The following SAMD8 variants were observed in gnomAD, a reference collection of about 807,000 sequenced individuals.
The protein encoded by SAMD8 is sterile alpha motif domain containing 8.
Under a neutral mutation model 42.0 loss-of-function variants are expected in SAMD8, and 20 were observed. That is an observed-to-expected ratio of 0.48 (90% confidence interval 0.34 to 0.69). The LOEUF (loss-of-function observed/expected upper bound fraction) is 0.69, where lower values mean the gene tolerates loss of function less well. Among genes scored for constraint, SAMD8 ranks in the 30% least tolerant of loss-of-function variants. The pLI is 0.01. For missense variants in SAMD8, 328 were observed against 511.6 expected (o/e 0.64, Z 3.46); for synonymous variants, 162 against 173.0 (o/e 0.94, Z 0.50).
At chr10:75,102,816 G>A (rs1848257589) in intron 1 of SAMD8, among the ~76,000 whole-genome samples, 1 of 152,170 alleles carries the variant, frequency 6.6e-6, no homozygotes, top group South Asian at 2.1e-4. Flanking sequence ...GCTGGGCGTG[G>A]TGGCGCATGC....
At chr10:75,139,427 T>C (rs1233676994) in intron 1 of SAMD8, among the ~76,000 whole-genome samples, 1 of 152,180 alleles carries the variant, frequency 6.6e-6, no homozygotes, top group Non-Finnish European at 1.5e-5. Context: ...ATAATAATAA[T>C]AAAATAGTGA....
chr10:75,108,122 G>A (rs754530295), upstream of SAMD8: 20 of 1,613,604 alleles, frequency 1.2e-5, no homozygotes, highest in East Asian at 2.2e-5. Context: ...AGTCAGGGCC[G>A]CCCTGACAGT....
At chr10:75,101,757 C>T (rs1848171243) in intron 1 of SAMD8, 2 of 690,848 alleles carry the variant, frequency 2.9e-6, no homozygotes, top group Non-Finnish European at 2.3e-6. Flanking sequence ...GGTTCTCTAC[C>T]CAACCCAAAC....
rs145566728 is a variant in SAMD8, at chr10:75,148,898, A to G, written c.-15-1616A>G. 4.2e-3 allele frequency among the ~76,000 whole-genome samples: 640 copies of G among 152,358 alleles called. 3 individuals are homozygous for G. The highest frequency in any genetic ancestry group is 0.015 in the African/African-American group (606 of 41,578). On this transcript the variant is annotated intron_variant, in intron 1 of 5. Coordinates refer to ENST00000542569, the MANE Select transcript of SAMD8 (RefSeq NM_001174156.2). ...TAATCTAACATATATAGAGAAAAGT[A>G]TAGATCACAATTATACAGCTTGATG...
At chr10:75,100,594 G>C (rs1378946044) in intron 1 of SAMD8, among the ~76,000 whole-genome samples, 1 of 152,158 alleles carries the variant, frequency 6.6e-6, no homozygotes, top group African/African-American at 2.4e-5. Context: ...CCAACGTCCA[G>C]CAGGGCCAGG....
chr10:75,175,744 T>C (rs1840977546), intron 4 of SAMD8: 1 of 282,314 alleles, frequency 3.5e-6, no homozygotes, highest in African/African-American at 2.3e-5. Context: ...AGTTGGGGTT[T>C]CGCCATGTTG....
At chr10:75,143,217 G>C (rs1305757188) in intron 1 of SAMD8, among the ~76,000 whole-genome samples, 1 of 152,246 alleles carries the variant, frequency 6.6e-6, no homozygotes, top group Non-Finnish European at 1.5e-5. Flanking sequence ...TGAGGCAGGA[G>C]AATCTCTTGA....
At position 75,178,983 on chromosome 10, in the gene SAMD8, C is replaced by A. The variant is rs1245676903; in HGVS notation, c.*2291C>A. 1 of 152,306 alleles carries A rather than the reference C, an allele frequency of 6.6e-6. No individual in the cohort carries two copies. Among genetic ancestry groups the A allele is most frequent in the African/African-American group, 2.4e-5 (1 of 41,420 alleles). 9.4% of individuals were successfully genotyped at this position (152,306 alleles called of 1,614,324 possible). ...GGTGGAGTTTGCATTGAGCTGAGAT[C>A]ACTCCACTGCACTCCAGCCTAGGTG... is the stretch of plus-strand genomic sequence containing the variant. On this transcript the variant is annotated 3_prime_UTR_variant, in exon 6 of 6. Transcript: ENST00000542569.
chr10:75,163,204 C>T (rs1359282175), intron 2 of SAMD8, among the ~76,000 whole-genome samples: 4 of 152,162 alleles, frequency 2.6e-5, no homozygotes, highest in African/African-American at 4.8e-5. Context: ...GGATTATAGG[C>T]GTGAGCCACC....
intron 1 of SAMD8, among the ~76,000 whole-genome samples, chr10:75,144,950 A>G (rs1042975575): frequency 1.3e-5 from 2 of 152,000 alleles, no homozygotes; most frequent in African/African-American, 4.8e-5. Context: ...GCGCCCTTGA[A>G]TTGTTTCTAT....
upstream of SAMD8, among the ~76,000 whole-genome samples, chr10:75,107,145 C>T (rs1021479439): frequency 6.6e-6 from 1 of 152,116 alleles, no homozygotes; most frequent in Non-Finnish European, 1.5e-5. Flanking sequence ...AGACCAGCCT[C>T]GCCAACATGG....
chr10:75,117,300 A>G (rs1390131845), intron 1 of SAMD8, among the ~76,000 whole-genome samples: 2 of 151,472 alleles, frequency 1.3e-5, no homozygotes, highest in African/African-American at 2.4e-5. Flanking sequence ...GTGTGCACCT[A>G]TAGTCCCAGA....
chr10:75,151,141 T>A, intron 2 of SAMD8, 35 bp downstream of exon 2: 4 of 1,166,426 alleles, frequency 3.4e-6, no homozygotes, highest in Non-Finnish European at 4.8e-6. Flanking sequence ...GTTTGTAGGA[T>A]GTTGCTATAA....
chr10:75,163,728 G>C (rs1455660108), intron 2 of SAMD8, among the ~76,000 whole-genome samples: 1 of 152,138 alleles, frequency 6.6e-6, no homozygotes, highest in Non-Finnish European at 1.5e-5. Context: ...GATTACAGGC[G>C]TGATCCACCA....
intron 1 of SAMD8, 151 bp from the exon 2 acceptor site, chr10:75,150,363 C>A: frequency 1.6e-6 from 2 of 1,275,340 alleles, no homozygotes; most frequent in Non-Finnish European, 2.1e-6. Flanking sequence ...CTTAAGTGAT[C>A]CTCCCAACTC....
chr10:75,152,536 GAAAA>G (rs541773032), intron 2 of SAMD8, among the ~76,000 whole-genome samples: 2 of 130,292 alleles, frequency 1.5e-5, no homozygotes, highest in African/African-American at 2.9e-5. Context: ...AAAAAAAAAA[GAAAA>G]AAAAAAAAGA....
intron 2 of SAMD8, among the ~76,000 whole-genome samples, chr10:75,159,411 T>G (rs1840506469): frequency 6.6e-6 from 1 of 152,158 alleles, no homozygotes; most frequent in Non-Finnish European, 1.5e-5. Flanking sequence ...TTTGCCTAAT[T>G]CTTTTTACTT....
chr10:75,155,122 C>T (rs1840381281), intron 2 of SAMD8, among the ~76,000 whole-genome samples: 1 of 152,034 alleles, frequency 6.6e-6, no homozygotes, highest in African/African-American at 2.4e-5. Flanking sequence ...AAACTTTTGG[C>T]CTCAAGTGAT....
At chr10:75,162,060 TAAA>T (rs1840570114) in intron 2 of SAMD8, among the ~76,000 whole-genome samples, 1 of 151,906 alleles carries the variant, frequency 6.6e-6, no homozygotes, top group South Asian at 2.1e-4. Context: ...AAATAAAAAA[TAAA>T]ATCCAGCAGG....
Sources: allele counts gnomAD v4.1 joint callset (sites outside exome capture counted in the v4.1 genomes callset), GRCh38; gene constraint gnomAD v4.1.1; transcripts MANE v1.5; gene names NCBI Gene and HGNC (gene_info 2026-07-23, HGNC 2026-07-21).